Variants in CPPED1 observed in about 807,000 individuals in gnomAD.
The protein encoded by CPPED1 is serine/threonine-protein phosphatase CPPED1.
CPPED1 carries 28 observed loss-of-function variants against 28.0 expected under a neutral mutation model. The ratio of observed to expected loss-of-function variants is 1.00; its 90% CI spans 0.74 to 1.37. The LOEUF (loss-of-function observed/expected upper bound fraction) is 1.37, where lower values mean the gene tolerates loss of function less well. Ranked by LOEUF, CPPED1 falls within the 40% of genes most tolerant of loss-of-function variation. The probability of loss-of-function intolerance (pLI) is 0.00; values close to 1 mark genes in which losing one functional copy is unlikely to be tolerated. For missense variants in CPPED1, 504 were observed against 416.5 expected (o/e 1.21, Z -1.83); for synonymous variants, 198 against 180.2 (o/e 1.10, Z -0.79).
At chr16:12,803,142 A>C (rs1368501061) in intron 1 of CPPED1, among the ~76,000 whole-genome samples, 1 of 152,234 alleles carries the variant, frequency 6.6e-6, no homozygotes, top group African/African-American at 2.4e-5. Context: ...CAGATAATCT[A>C]AATCCAAAAT....
chr16:12,678,091 T>C (rs1233874563), intron 3 of CPPED1, among the ~76,000 whole-genome samples: 1 of 152,240 alleles, frequency 6.6e-6, no homozygotes, highest in African/African-American at 2.4e-5. Flanking sequence ...CCAAGAGTTC[T>C]TGATTCTTCA....
At chr16:12,666,493 G>A (rs980509855) in intron 3 of CPPED1, among the ~76,000 whole-genome samples, 5 of 152,224 alleles carry the variant, frequency 3.3e-5, no homozygotes, top group African/African-American at 7.2e-5. Flanking sequence ...CTGGGGAAGT[G>A]GTAGGCTGGT....
At chr16:12,744,297 A>AAAGCAAGCAAGC (rs1167597052) in intron 2 of CPPED1, among the ~76,000 whole-genome samples, 30 of 130,266 alleles carry the variant, frequency 2.3e-4, no homozygotes, top group South Asian at 5.4e-4. Context: ...AGAGAGAGAG[A>AAAGCAAGCAAGC]AAGCAAGCAA....
chr16:12,721,231 G>A (rs1453177377), intron 2 of CPPED1, among the ~76,000 whole-genome samples: 1 of 152,040 alleles, frequency 6.6e-6, no homozygotes, highest in Admixed American at 6.6e-5. Context: ...CAGATACCAC[G>A]GAAACTTAGT....
At chr16:12,772,055 G>A (rs1183801406) in intron 2 of CPPED1, among the ~76,000 whole-genome samples, 1 of 152,076 alleles carries the variant, frequency 6.6e-6, no homozygotes, top group African/African-American at 2.4e-5. Flanking sequence ...CCCGGGAGGC[G>A]GAGGTTGCAG....
intron 3 of CPPED1, among the ~76,000 whole-genome samples, chr16:12,674,836 T>A (rs963505122): frequency 2.0e-5 from 3 of 152,158 alleles, no homozygotes; most frequent in Non-Finnish European, 4.4e-5. Context: ...TTTCCTCTTT[T>A]GTACCATGAA....
chr16:12,735,893 C>A (rs763401363), intron 2 of CPPED1, among the ~76,000 whole-genome samples: 1 of 152,162 alleles, frequency 6.6e-6, no homozygotes, highest in Non-Finnish European at 1.5e-5. Flanking sequence ...ATCCCCAGTG[C>A]CCCAGTAAGG....
At chr16:12,763,487 A>G (rs2080421807) in intron 2 of CPPED1, among the ~76,000 whole-genome samples, 1 of 152,196 alleles carries the variant, frequency 6.6e-6, no homozygotes, top group Non-Finnish European at 1.5e-5. Context: ...ATCTCAATAG[A>G]GTCATTATTA....
At chr16:12,692,760 T>C (rs1411888383) in intron 3 of CPPED1, among the ~76,000 whole-genome samples, 2 of 152,156 alleles carry the variant, frequency 1.3e-5, no homozygotes, top group Non-Finnish European at 2.9e-5. Context: ...GGGAGAGAAA[T>C]TGCTCTATTA....
chr16:12,748,518 A>G (rs527768414), intron 2 of CPPED1, among the ~76,000 whole-genome samples: 8 of 152,348 alleles, frequency 5.3e-5, no homozygotes, highest in African/African-American at 1.9e-4. Context: ...TATCTCAATA[A>G]AGCAAGTCAC....
intron 1 of CPPED1, among the ~76,000 whole-genome samples, chr16:12,795,734 C>T (rs8050212): frequency 6.6e-6 from 1 of 152,238 alleles, no homozygotes; most frequent in African/African-American, 2.4e-5. Flanking sequence ...GACAGATACA[C>T]CCAGGTGACC....
At chr16:12,781,700 A>G (rs1245646530) in intron 1 of CPPED1, among the ~76,000 whole-genome samples, 1 of 152,200 alleles carries the variant, frequency 6.6e-6, no homozygotes, top group Admixed American at 6.5e-5. Flanking sequence ...ACGGGCCACA[A>G]GAGAACCCAA....
At chr16:12,768,016 A>G (rs943403132) in intron 2 of CPPED1, among the ~76,000 whole-genome samples, 12 of 152,164 alleles carry the variant, frequency 7.9e-5, no homozygotes, top group African/African-American at 2.9e-4. Context: ...GTGCCCCAGA[A>G]GGAAAGTTTC....
At chr16:12,693,265 C>T (rs1358985067) in intron 3 of CPPED1, among the ~76,000 whole-genome samples, 2 of 152,150 alleles carry the variant, frequency 1.3e-5, no homozygotes, top group Non-Finnish European at 2.9e-5. Context: ...TGCAGTGGTG[C>T]AATCATGGAT....
chr16:12,725,892 A>C (rs148524829), intron 2 of CPPED1, among the ~76,000 whole-genome samples: 1 of 152,140 alleles, frequency 6.6e-6, no homozygotes, highest in East Asian at 1.9e-4. Context: ...TAATTTCTCT[A>C]GGTATAAAGC....
rs1437458525 is a variant in CPPED1, at chr16:12,682,440, G to A, written c.716-17325C>T. Among the ~76,000 whole-genome samples, 1 of 152,138 alleles carries A rather than the reference G, an allele frequency of 6.6e-6. No individual in the cohort carries two copies. The highest frequency in any genetic ancestry group is 2.4e-5 in the African/African-American group (1 of 41,424). On this transcript the variant is annotated intron_variant, in intron 3 of 3. Transcript: ENST00000381774. This position sits in a 1 kb window ranked among gnomAD's most constrained non-coding sequence, Gnocchi z 6.1. ...CTGTAGAATATGCAAGAGGAGGGCT[G>A]TATTTTTTTAATACTAATATTTGGT...
intron 2 of CPPED1, among the ~76,000 whole-genome samples, chr16:12,721,197 G>GCTT (rs2080137992): frequency 2.6e-5 from 4 of 152,084 alleles, no homozygotes; most frequent in Non-Finnish European, 5.9e-5. Context: ...TTCACTGAAA[G>GCTT]TCCATCTCAA....
intron 1 of CPPED1, among the ~76,000 whole-genome samples, chr16:12,795,301 C>T (rs1415956718): frequency 6.6e-6 from 1 of 152,076 alleles, no homozygotes; most frequent in Non-Finnish European, 1.5e-5. Context: ...CCTCTAGATG[C>T]TCTGGAGTAG....
chr16:12,685,774 C>T (rs1489274613), intron 3 of CPPED1, among the ~76,000 whole-genome samples: 1 of 152,218 alleles, frequency 6.6e-6, no homozygotes, highest in Non-Finnish European at 1.5e-5. Context: ...AATTCTCCTA[C>T]CACGGCCACC....
Sources: gnomAD v4.1 joint callset for allele counts (sites outside exome capture counted in the v4.1 genomes callset) on GRCh38, gnomAD v4.1.1 for gene constraint, Gnocchi (gnomAD v3.1) non-coding constraint, MANE v1.5 for transcripts, NCBI Gene and HGNC (gene_info 2026-07-23, HGNC 2026-07-21) for gene names.